Variants in CHD5 observed in about 807,000 individuals in gnomAD.
The protein encoded by CHD5 is chromodomain helicase DNA binding protein 5.
Under a neutral mutation model 230.3 loss-of-function variants are expected in CHD5, and 69 were observed. The observed-to-expected ratio is 0.30, with a 90% CI of 0.25 to 0.37. The LOEUF (loss-of-function observed/expected upper bound fraction) is 0.37, where lower values mean the gene tolerates loss of function less well. Ranked by LOEUF, CHD5 falls within the 10% of genes least tolerant of loss-of-function variation. The pLI, the probability that CHD5 is intolerant of heterozygous loss-of-function variation, is 1.00. For synonymous variants in CHD5, 1,064 were observed against 1,065.9 expected, an observed-to-expected ratio of 1.00 and a Z score of 0.03; for missense variants, 1,827 against 2,622.8, an observed-to-expected ratio of 0.70 and a Z score of 6.63.
intron 3 of CHD5, among the ~76,000 whole-genome samples, chr1:6,158,872 T>G (rs1019187212): frequency 1.3e-5 from 2 of 149,062 alleles, no homozygotes; most frequent in African/African-American, 2.5e-5. Flanking sequence ...CCGGGCGTAG[T>G]GGCGGGCGCC....
At chr1:6,161,140 AAGGAAAGGGTGGCAGAAGG>A (rs1667171590) in intron 2 of CHD5, among the ~76,000 whole-genome samples, 2 of 150,448 alleles carry the variant, frequency 1.3e-5, no homozygotes, top group African/African-American at 5.0e-5. Context: ...GGGAGAAGGA[AAGGAAAGGGTGGCAGAAGG>A]AAAGAGAATG....
rs1667493177 is a variant in CHD5, at chr1:6,180,168, C to G, written c.-145G>C. 1 of 182,220 alleles carries G rather than the reference C, an allele frequency of 5.5e-6. No individual in the cohort carries two copies. The highest frequency in any genetic ancestry group is 2.6e-4 in the South Asian group (1 of 3,836). The allele number at this position is 182,220 out of a possible 1,614,324, so 11.3% of individuals were successfully genotyped here. On this transcript the variant is annotated 5_prime_UTR_variant, in exon 1 of 42. Coordinates refer to ENST00000262450, the MANE Select transcript of CHD5 (RefSeq NM_015557.3). ...TGGCGGCCGCCTGCCCCCCCACCCC[C>G]CCAAACCTCCACCCCCCCGTCTCGA...
At chr1:6,106,108 C>T (rs765011220) in intron 41 of CHD5, 126 bp downstream of exon 41, 60 of 891,180 alleles carry the variant, frequency 6.7e-5, no homozygotes, top group Non-Finnish European at 1.0e-4. Flanking sequence ...TCAAAGCCGC[C>T]GGAGGCAGTA....
intron 7 of CHD5, among the ~76,000 whole-genome samples, chr1:6,150,670 G>C (rs1666991402): frequency 6.6e-6 from 1 of 152,148 alleles, no homozygotes; most frequent in Non-Finnish European, 1.5e-5. Flanking sequence ...GTGAGGTAAA[G>C]ATGGGTGTTA....
chr1:6,112,592 C>T (rs530209027), intron 34 of CHD5, among the ~76,000 whole-genome samples: 3 of 152,350 alleles, frequency 2.0e-5, no homozygotes, highest in South Asian at 4.1e-4. Context: ...CTGAGGACAA[C>T]TGTTCCAGAA....
chr1:6,150,505 AATGG>A (rs1290983403), intron 7 of CHD5, among the ~76,000 whole-genome samples: 11 of 120,270 alleles, frequency 9.1e-5, no homozygotes, highest in South Asian at 5.9e-4. Flanking sequence ...AGGATGGATG[AATGG>A]ATGGATGGAT....
At chr1:6,122,842 G>A (rs1462946729) in intron 31 of CHD5, among the ~76,000 whole-genome samples, 1 of 152,190 alleles carries the variant, frequency 6.6e-6, no homozygotes. Context: ...GGCCGAGGAG[G>A]GTGGATCACC....
chr1:6,110,532 T>C lies in CHD5; in HGVS notation c.5250-6A>G. 1 of 1,559,590 alleles carries C rather than the reference T, an allele frequency of 6.4e-7. No homozygotes were observed. The highest frequency in any genetic ancestry group is 8.7e-7 in the Non-Finnish European group (1 of 1,152,866). On this transcript the variant is annotated splice_polypyrimidine_tract_variant and splice_region_variant and intron_variant, in intron 36 of 41. Coordinates refer to ENST00000262450, the MANE Select transcript of CHD5 (RefSeq NM_015557.3). The stretch of plus-strand genomic sequence containing the variant: ...GCCAGCGGGCGTAGCCGTGCCTGGG[T>C]GGGGCACCATTAAGGGCAAACCTGG...
In CHD5 at chr1:6,108,981, G is replaced by C. The variant is rs570654876; in HGVS notation, c.5578+814C>G. On this transcript the variant is annotated intron_variant, in intron 38 of 41. Coordinates refer to ENST00000262450, the MANE Select transcript of CHD5 (RefSeq NM_015557.3). The stretch of plus-strand genomic sequence containing the variant: ...CCCGAGAGCTGGGGCTTATTTGCAA[G>C]GGTGTATGACTGCACTTGCCCAGAA... Among the ~76,000 whole-genome samples the C allele has an allele frequency of 1.6e-4, 25 of 152,054 alleles. 1 individual carries two copies. The South Asian group carries it at 3.9e-3, about 24-fold the overall frequency.
chr1:6,127,983 G>GTGGGGGGCGGGGCTGCGGA lies in CHD5; in HGVS notation c.3903+44_3903+62dup. ...GGTCACAGTGGAAGGCGTGGACACA[G>GTGGGGGGCGGGGCTGCGGA]TGGGGGGCGGGGCTGCGGATGGAGG... On this transcript the variant is annotated intron_variant, in intron 25 of 41. Transcript: ENST00000262450. The GTGGGGGGCGGGGCTGCGGA allele has an allele frequency of 5.1e-6, 7 of 1,383,588 alleles. No homozygotes were observed. In the Admixed American group the frequency reaches 8.8e-5, roughly 17 times the overall value. The allele number at this position is 1,383,588 out of a possible 1,614,324, so 85.7% of individuals were successfully genotyped here.
intron 11 of CHD5, among the ~76,000 whole-genome samples, chr1:6,144,753 G>C (rs542220447): frequency 6.6e-6 from 1 of 152,200 alleles, no homozygotes; most frequent in Non-Finnish European, 1.5e-5. Context: ...CCAGGCCAGA[G>C]GAGTGCTGGA....
At chr1:6,147,725 C>G (rs1350243736) in intron 9 of CHD5, among the ~76,000 whole-genome samples, 1 of 152,204 alleles carries the variant, frequency 6.6e-6, no homozygotes, top group African/African-American at 2.4e-5. Flanking sequence ...ATGGCCCACC[C>G]CTTCCTCCAC....
intron 1 of CHD5, among the ~76,000 whole-genome samples, chr1:6,170,312 C>T (rs1477069302): frequency 2.0e-5 from 3 of 152,184 alleles, no homozygotes; most frequent in Admixed American, 6.5e-5. Flanking sequence ...GGCCTGGGAC[C>T]CCCAGAGAGT....
At chr1:6,164,384 C>T (rs1003145906) in intron 2 of CHD5, among the ~76,000 whole-genome samples, 10 of 152,192 alleles carry the variant, frequency 6.6e-5, no homozygotes, top group African/African-American at 2.2e-4. Context: ...CTATGGTAAC[C>T]GCTGCAGTAC....
At chr1:6,176,773 T>C (rs921696452) in intron 1 of CHD5, among the ~76,000 whole-genome samples, 10 of 152,184 alleles carry the variant, frequency 6.6e-5, no homozygotes, top group African/African-American at 1.9e-4. Flanking sequence ...ATACTACAAG[T>C]GGGCACACCG....
chr1:6,127,499 AAAG>A (rs926648114), intron 25 of CHD5, among the ~76,000 whole-genome samples: 10 of 151,822 alleles, frequency 6.6e-5, no homozygotes, highest in Non-Finnish European at 1.2e-4. Context: ...AAAAAAAAAA[AAAG>A]AAAATTGTGG....
intron 35 of CHD5, 121 bp from the exon 36 acceptor site, chr1:6,112,004 AG>A (rs1571139005): frequency 7.3e-7 from 1 of 1,375,712 alleles, no homozygotes; most frequent in East Asian, 2.4e-5. Flanking sequence ...CCAGTGTTCC[AG>A]GGTGGCTAAG....
chr1:6,112,361 C>G, intron 34 of CHD5, 84 bp from the exon 35 acceptor site: 1 of 1,539,808 alleles, frequency 6.5e-7, no homozygotes, highest in Non-Finnish European at 8.8e-7. Context: ...ACGGGGGACC[C>G]AGGAGGCAAG....
At chr1:6,140,516 A>G (rs1666810857) in intron 15 of CHD5, among the ~76,000 whole-genome samples, 1 of 152,030 alleles carries the variant, frequency 6.6e-6, no homozygotes, top group Non-Finnish European at 1.5e-5. Flanking sequence ...GCACCATGAG[A>G]CCTCATGCTT....
Sources: gnomAD v4.1 joint callset for allele counts (sites outside exome capture counted in the v4.1 genomes callset) on GRCh38, gnomAD v4.1.1 for gene constraint, MANE v1.5 for transcripts, NCBI Gene and HGNC (gene_info 2026-07-23, HGNC 2026-07-21) for gene names.